Variants in EIF4E3 observed in about 807,000 individuals in gnomAD.
EIF4E3 encodes eukaryotic translation initiation factor 4E family member 3.
Under a neutral mutation model 31.7 loss-of-function variants are expected in EIF4E3, and 26 were observed. That is an observed-to-expected ratio of 0.82 (90% CI 0.60 to 1.14). The LOEUF (loss-of-function observed/expected upper bound fraction) is 1.14, where lower values mean the gene tolerates loss of function less well. Among genes scored for constraint, EIF4E3 ranks in the 50% most tolerant of loss-of-function variants. The pLI is 0.00. For synonymous variants in EIF4E3, 128 were observed against 107.7 expected, an observed-to-expected ratio of 1.19 and a Z score of -1.17; for missense variants, 304 against 270.9, an observed-to-expected ratio of 1.12 and a Z score of -0.86.
upstream of EIF4E3, chr3:71,725,443 G>T: frequency 1.5e-6 from 1 of 664,836 alleles, no homozygotes; most frequent in Non-Finnish European, 1.8e-6. This position sits in a 1 kb window ranked among gnomAD's most constrained non-coding sequence, Gnocchi z 6.1. Flanking sequence ...CCCGGCCCCC[G>T]CCCCGCCCCG....
chr3:71,746,226 A>G (rs1034730969), intron 1 of EIF4E3, among the ~76,000 whole-genome samples: 7 of 152,182 alleles, frequency 4.6e-5, no homozygotes, highest in Non-Finnish European at 2.9e-5. Context: ...AATTGCTTTA[A>G]AACTCAAGGC....
the EIF4E3 span, among the ~76,000 whole-genome samples, chr3:71,669,332 C>T: frequency 6.6e-6 from 1 of 152,158 alleles, no homozygotes; most frequent in South Asian, 2.1e-4. Context: ...AGCAAACCAC[C>T]ATGGCACATG....
intron 1 of EIF4E3, among the ~76,000 whole-genome samples, chr3:71,734,120 G>C (rs2049736723): frequency 6.6e-6 from 1 of 152,150 alleles, no homozygotes; most frequent in Admixed American, 6.5e-5. Flanking sequence ...ATGGCAGGTT[G>C]CACCTTATGG....
chr3:71,750,998 A>C (rs1466642673), intron 1 of EIF4E3, among the ~76,000 whole-genome samples: 5 of 151,708 alleles, frequency 3.3e-5, no homozygotes, highest in African/African-American at 1.2e-4. Context: ...TCCTGACCTC[A>C]TGATCCACCC....
intron 1 of EIF4E3, among the ~76,000 whole-genome samples, chr3:71,733,791 A>G (rs2049732122): frequency 6.6e-6 from 1 of 152,264 alleles, no homozygotes; most frequent in African/African-American, 2.4e-5. Flanking sequence ...AGCTAAGTAC[A>G]CTAAAGTTTG....
At chr3:71,696,324 G>A in intron 4 of EIF4E3, 136 bp downstream of exon 4, 2 of 832,766 alleles carry the variant, frequency 2.4e-6, no homozygotes, top group Admixed American at 4.8e-5. Flanking sequence ...ATCAAGGTCA[G>A]AACAGAATTT....
At chr3:71,712,050 C>T (rs2049387914) in intron 1 of EIF4E3, among the ~76,000 whole-genome samples, 2 of 152,176 alleles carry the variant, frequency 1.3e-5, no homozygotes, top group Non-Finnish European at 1.5e-5. Flanking sequence ...AGCACAATCA[C>T]GGACTAGTTT....
At chr3:71,739,998 G>A (rs1180278658) in intron 1 of EIF4E3, among the ~76,000 whole-genome samples, 2 of 152,074 alleles carry the variant, frequency 1.3e-5, no homozygotes, top group African/African-American at 4.8e-5. Flanking sequence ...TGTATGTGAA[G>A]AGGTATAATA....
chr3:71,736,759 T>C (rs2049767701), intron 1 of EIF4E3, among the ~76,000 whole-genome samples: 1 of 152,178 alleles, frequency 6.6e-6, no homozygotes, highest in African/African-American at 2.4e-5. Flanking sequence ...TCAAAACCCA[T>C]AGAATATACA....
chr3:71,703,041 C>T lies in EIF4E3; in HGVS notation c.250-3333G>A, dbSNP rs574202986. ...CTTATAATTAATTCTGTTAGACTTG[C>T]AAATCCAAGATTGCAGTAAAAGTAA... On this transcript the variant is annotated intron_variant, in intron 2 of 6. Coordinates refer to ENST00000425534, the MANE Select transcript of EIF4E3 (RefSeq NM_001134651.2). Among the ~76,000 whole-genome samples the T allele has an allele frequency of 4.6e-5, 7 of 152,310 alleles. No individual in the cohort carries two copies. In the East Asian group the frequency reaches 1.3e-3, roughly 29 times the overall value.
At chr3:71,700,612 T>TTAA (rs1553662424) in intron 2 of EIF4E3, among the ~76,000 whole-genome samples, 2 of 127,340 alleles carry the variant, frequency 1.6e-5, no homozygotes, top group East Asian at 2.3e-4. Flanking sequence ...AGACTCCGTT[T>TTAA]AAAAAAAAAA....
At chr3:71,712,852 C>CAAAA (rs11403409) in intron 1 of EIF4E3, among the ~76,000 whole-genome samples, 3 of 121,224 alleles carry the variant, frequency 2.5e-5, no homozygotes, top group Admixed American at 8.6e-5. Context: ...TAACCTAGAC[C>CAAAA]AAAAAAAAAA....
chr3:71,692,502 T>C (rs1169330565), intron 5 of EIF4E3, among the ~76,000 whole-genome samples: 1 of 152,186 alleles, frequency 6.6e-6, no homozygotes, highest in Non-Finnish European at 1.5e-5. Context: ...ATACACAGGA[T>C]ACATTTTTGG....
At chr3:71,730,403 C>T (rs1410520218) in intron 1 of EIF4E3, among the ~76,000 whole-genome samples, 1 of 152,220 alleles carries the variant, frequency 6.6e-6, no homozygotes. Flanking sequence ...GTCTATAAAG[C>T]ACCTTGCAAG....
intron 1 of EIF4E3, among the ~76,000 whole-genome samples, chr3:71,745,292 G>A (rs1010018862): frequency 6.6e-6 from 1 of 152,166 alleles, no homozygotes; most frequent in Admixed American, 6.5e-5. Context: ...TGTATATAGA[G>A]GGTGGGCATT....
intron 2 of EIF4E3, 92 bp downstream of exon 2, chr3:71,710,320 G>A (rs2049356870): frequency 3.5e-6 from 5 of 1,415,806 alleles, no homozygotes; most frequent in Non-Finnish European, 4.9e-6. Flanking sequence ...ACCCTGGACA[G>A]GGGCTGCCAG....
Position 71,725,208 on chromosome 3 carries a change from TC to T in EIF4E3, c.159del (p.Trp53Ter). ...EPGGVPLHSSWTFWLDRSLPG... is the reference protein window; with the variant it reads ...EPGGVPLHSSXTFWLDRSLPG... ...CCCCCTCACCTGTCGAGCCAGAAGGTCCAGGACGAGTGCAGCGGGACCCCGC... is the reference window on the plus strand; with the variant it reads ...CCCCCTCACCTGTCGAGCCAGAAGGTCAGGACGAGTGCAGCGGGACCCCGC... On this transcript the variant is annotated frameshift_variant, in exon 1 of 7. Transcript: ENST00000425534. LOFTEE classifies it high-confidence loss of function. The surrounding 1 kb of genome is among the most constrained non-coding windows in gnomAD (Gnocchi z 6.1). The T allele has an allele frequency of 1.8e-6, 2 of 1,141,332 alleles. No individual in the cohort carries two copies. Among genetic ancestry groups the T allele is most frequent in the South Asian group, 4.6e-5 (2 of 43,906 alleles). The allele number at this position is 1,141,332 out of a possible 1,614,324, so 70.7% of individuals were successfully genotyped here.
chr3:71,692,975 T>G (rs919688144), intron 5 of EIF4E3, among the ~76,000 whole-genome samples: 1 of 152,106 alleles, frequency 6.6e-6, no homozygotes, highest in African/African-American at 2.4e-5. Flanking sequence ...GCTCACGAGA[T>G]GAATCTGAAA....
chr3:71,706,666 A>G (rs982472103), intron 2 of EIF4E3, among the ~76,000 whole-genome samples: 2 of 152,144 alleles, frequency 1.3e-5, no homozygotes, highest in African/African-American at 4.8e-5. Context: ...AAAAAATAAA[A>G]TAATTTAGCT....
Sources: gnomAD v4.1 joint callset for allele counts (sites outside exome capture counted in the v4.1 genomes callset) on GRCh38, gnomAD v4.1.1 for gene constraint, Gnocchi (gnomAD v3.1) non-coding constraint, MANE v1.5 for transcripts, NCBI Gene and HGNC (gene_info 2026-07-23, HGNC 2026-07-21) for gene names.